Variants in PSG11 observed in about 807,000 individuals in gnomAD.
PSG11 encodes pregnancy specific beta-1-glycoprotein 11.
PSG11 carries 42 observed loss-of-function variants against 36.0 expected under a neutral mutation model. The ratio of observed to expected loss-of-function variants is 1.17; its 90% CI spans 0.91 to 1.51. The LOEUF is 1.51. PSG11 is among the 40% of genes most tolerant of loss of function. PSG11 has a pLI of 0.00. For synonymous variants in PSG11, 206 were observed against 153.5 expected (o/e 1.34, Z -2.53); for missense variants, 558 against 403.5 (o/e 1.38, Z -3.28).
chr19:43,013,118 A>T (rs1264761596), intron 4 of PSG11, among the ~76,000 whole-genome samples: 1 of 151,506 alleles, frequency 6.6e-6, no homozygotes, highest in East Asian at 1.9e-4. Context: ...ATGTACAAAA[A>T]TTAACCCACA....
chr19:43,017,330 G>A lies in PSG11; in HGVS notation c.709+1440C>T, dbSNP rs1224645491. ...AAGATTCAAAATCTAAAATGCTTCA[G>A]TGAGAATTTCTTTTCAGCATCAGAT... On this transcript the variant is annotated intron_variant, in intron 3 of 5. Coordinates refer to ENST00000320078, the MANE Select transcript of PSG11 (RefSeq NM_002785.3). 2.0e-5 allele frequency: 3 copies of A among 151,546 alleles called. No individual in the cohort carries two copies. The East Asian group carries it at 5.8e-4, about 29-fold the overall frequency. The allele number at this position is 151,546 out of a possible 1,614,324, so 9.4% of individuals were successfully genotyped here.
chr19:43,013,383 A>T (rs1283364903), intron 4 of PSG11, among the ~76,000 whole-genome samples: 2 of 151,516 alleles, frequency 1.3e-5, no homozygotes, highest in African/African-American at 4.9e-5. Flanking sequence ...TAATTTCCAG[A>T]ATACATGAAA....
intron 4 of PSG11, among the ~76,000 whole-genome samples, chr19:43,011,650 G>A (rs1974078474): frequency 6.6e-6 from 1 of 151,244 alleles, no homozygotes; most frequent in African/African-American, 2.4e-5. Flanking sequence ...ACTTTGGGAG[G>A]TCACAGCAGA....
chr19:43,009,943 A>G lies in PSG11; in HGVS notation c.*40+15T>C, dbSNP rs145080050. 5.1e-3 allele frequency: 7,809 copies of G among 1,541,616 alleles called. 548 individuals carry two copies. The African/African-American group carries it at 0.095, about 19-fold the overall frequency. On this transcript the variant is annotated intron_variant, in intron 5 of 5. Transcript: ENST00000320078. Reference sequence around the variant, plus strand: ...AGCCCTGCAGGAACCAGGATAAGAGAAAAGGTCATCATACCTGCCAGTCTT... The same window carrying G: ...AGCCCTGCAGGAACCAGGATAAGAGGAAAGGTCATCATACCTGCCAGTCTT...
At chr19:43,010,534 T>C (rs1474399518) in intron 4 of PSG11, 1 of 622,984 alleles carries the variant, frequency 1.6e-6, no homozygotes, top group African/African-American at 1.9e-5. Context: ...GCAAGCCTAG[T>C]TCTCTGAGGC....
In PSG11 at chr19:43,025,066, G is replaced by T. The variant is rs1336029862; in HGVS notation, c.65-10C>A. The T allele has an allele frequency of 1.9e-6, 3 of 1,606,450 alleles. No individual in the cohort carries two copies. The South Asian group carries it at 3.3e-5, about 18-fold the overall frequency. On this transcript the variant is annotated splice_polypyrimidine_tract_variant and intron_variant, in intron 1 of 5. Coordinates refer to ENST00000320078, the MANE Select transcript of PSG11 (RefSeq NM_002785.3). ...AAGTTTAAAAGTAATGCTAGGAGGTGGAGAGAGCATCAGTCAATATTGAGA... is the reference window on the plus strand; with the variant it reads ...AAGTTTAAAAGTAATGCTAGGAGGTTGAGAGAGCATCAGTCAATATTGAGA...
intron 2 of PSG11, among the ~76,000 whole-genome samples, chr19:43,023,793 T>G (rs1967164573): frequency 6.6e-6 from 1 of 151,236 alleles, no homozygotes; most frequent in African/African-American, 2.4e-5. Context: ...CTCAATCAGA[T>G]AAGTTAAATG....
At position 43,019,853 on chromosome 19, in the gene PSG11, G is replaced by A. The variant is rs1447705854; in HGVS notation, c.431-805C>T. 1.3e-5 allele frequency: 2 copies of A among 151,622 alleles called. 1 individual carries two copies. Among genetic ancestry groups the A allele is most frequent in the African/African-American group, 4.9e-5 (2 of 41,130 alleles). 9.4% of individuals were successfully genotyped at this position (151,622 alleles called of 1,614,324 possible). A position where few individuals can be genotyped will look rare whatever the true frequency, so the allele number is the denominator to read the frequency against. On this transcript the variant is annotated intron_variant, in intron 2 of 5. Transcript: ENST00000320078. ...GATCTTTCTGGAAATACATGTGGAT[G>A]TTTGCAAATGCAGAACTGACTGGTG... is the stretch of plus-strand genomic sequence containing the variant.
At chr19:43,016,095 T>G (rs745537666) in intron 3 of PSG11, 6 of 1,557,720 alleles carry the variant, frequency 3.9e-6, no homozygotes, top group Non-Finnish European at 5.2e-6. Flanking sequence ...CTTTGATTCC[T>G]CCACAGGCAT....
At chr19:43,014,431 T>C in intron 4 of PSG11, 2 of 956,404 alleles carry the variant, frequency 2.1e-6, no homozygotes, top group Non-Finnish European at 2.5e-6. Flanking sequence ...AGCCAGTGAC[T>C]TCAGAGCCAG....
chr19:43,015,739 T>G lies in PSG11; in HGVS notation c.710-369A>C, dbSNP rs113023429. The G allele has an allele frequency of 8.9e-3, 14,321 of 1,607,748 alleles. 1,467 individuals carry two copies. In the African/African-American group the frequency reaches 0.16, roughly 18 times the overall value. On this transcript the variant is annotated intron_variant, in intron 3 of 5. Transcript: ENST00000320078. ...CTGGTCGTTTGGATTTAAGCTGGTGTCCTGGCCCACAGAGGAACAAAAGAT... is the reference window on the plus strand; with the variant it reads ...CTGGTCGTTTGGATTTAAGCTGGTGGCCTGGCCCACAGAGGAACAAAAGAT...
At position 43,007,902 on chromosome 19, in the gene PSG11, C is replaced by A. The variant is rs147797446; in HGVS notation, c.*181G>T. ...TTATTTAGTCCAATGAAATGGAGTT[C>A]TTTTCTTCTTTGTCTTGAATTTCAT... On this transcript the variant is annotated 3_prime_UTR_variant, in exon 6 of 6. Transcript: ENST00000320078. 14 of 385,060 alleles carry A rather than the reference C, an allele frequency of 3.6e-5. No homozygotes were observed. Among genetic ancestry groups the A allele is most frequent in the South Asian group, 1.4e-4 (1 of 7,348 alleles). 23.9% of individuals were successfully genotyped at this position (385,060 alleles called of 1,614,324 possible).
chr19:43,013,781 C>T (rs1599670427), intron 4 of PSG11, among the ~76,000 whole-genome samples: 1 of 151,264 alleles, frequency 6.6e-6, no homozygotes, highest in East Asian at 1.9e-4. Context: ...ACATACTCCC[C>T]ATAGAATTGA....
At chr19:43,022,340 G>T (rs1169290717) in intron 2 of PSG11, among the ~76,000 whole-genome samples, 1 of 151,218 alleles carries the variant, frequency 6.6e-6, no homozygotes, top group Non-Finnish European at 1.5e-5. Context: ...TATGACTAAT[G>T]GCTCAGCCCG....
chr19:43,023,851 T>A (rs142640806), intron 2 of PSG11, among the ~76,000 whole-genome samples: 11 of 151,488 alleles, frequency 7.3e-5, no homozygotes, highest in African/African-American at 1.9e-4. Flanking sequence ...AATGTTAAAT[T>A]ATTCACAGTC....
chr19:43,012,835 A>C (rs1974110066), intron 4 of PSG11, among the ~76,000 whole-genome samples: 1 of 151,448 alleles, frequency 6.6e-6, no homozygotes, highest in African/African-American at 2.4e-5. Flanking sequence ...CACAGCTTTG[A>C]AGAGGAAGAA....
chr19:43,024,612 C>G, intron 2 of PSG11, 79 bp downstream of exon 2: 3 of 1,604,846 alleles, frequency 1.9e-6, no homozygotes, highest in Non-Finnish European at 2.6e-6. Context: ...AGGCAATGTC[C>G]AGGCCTGACA....
rs1353539990 is a variant in PSG11 at position 43,016,406 on chromosome 19, C to G, written c.710-1036G>C. The stretch of plus-strand genomic sequence containing the variant: ...TACCTGGAATGTGCAACTGCTGGGC[C>G]CCTTCCAAATTCCATCCTACTTTGC... On this transcript the variant is annotated intron_variant, in intron 3 of 5. Coordinates refer to ENST00000320078, the MANE Select transcript of PSG11 (RefSeq NM_002785.3). 1.1e-4 allele frequency among the ~76,000 whole-genome samples: 17 copies of G among 151,210 alleles called. No homozygotes were observed. In the East Asian group the frequency reaches 3.1e-3, roughly 28 times the overall value.
At chr19:43,010,204 T>C (rs1974038658) in intron 4 of PSG11, 163 bp from the exon 5 acceptor site, 3 of 1,452,612 alleles carry the variant, frequency 2.1e-6, no homozygotes, top group Non-Finnish European at 2.7e-6. Context: ...TCTTGCAGTT[T>C]TTTTTCCCTC....
Sources: allele counts gnomAD v4.1 joint callset (sites outside exome capture counted in the v4.1 genomes callset), GRCh38; gene constraint gnomAD v4.1.1; transcripts MANE v1.5; gene names NCBI Gene and HGNC (gene_info 2026-07-23, HGNC 2026-07-21).